PIAS2: variants seen among roughly 807,000 people sequenced by gnomAD.
PIAS2 encodes E3 SUMO-protein ligase PIAS2.
In PIAS2, 19 loss-of-function variants were observed where a neutral mutation model predicts 69.7. The ratio of observed to expected loss-of-function variants is 0.27; its 90% CI spans 0.19 to 0.40. The LOEUF (loss-of-function observed/expected upper bound fraction) is 0.40. PIAS2 is among the 10% of genes least tolerant of loss of function. PIAS2 has a pLI of 1.00. For synonymous variants in PIAS2, 261 were observed against 263.2 expected (o/e 0.99, Z 0.08); for missense variants, 624 against 757.0 (o/e 0.82, Z 2.06).
At chr18:46,911,613 T>C (rs2057276525) in intron 1 of PIAS2, among the ~76,000 whole-genome samples, 1 of 152,250 alleles carries the variant, frequency 6.6e-6, no homozygotes, top group South Asian at 2.1e-4. Flanking sequence ...CTAATACTCA[T>C]GTCAACATAC....
At chr18:46,846,275 A>G (rs1269840623) in intron 6 of PIAS2, among the ~76,000 whole-genome samples, 1 of 152,182 alleles carries the variant, frequency 6.6e-6, no homozygotes, top group Non-Finnish European at 1.5e-5. Context: ...GTTATCTGAA[A>G]TATCAGTTGT....
intron 6 of PIAS2, 84 bp downstream of exon 6, chr18:46,846,623 T>C: frequency 7.6e-7 from 1 of 1,319,374 alleles, no homozygotes; most frequent in South Asian, 1.9e-5. Flanking sequence ...CAGAAAGAGC[T>C]GAAGCCAACA....
At chr18:46,842,714 T>C (rs1053531093) in intron 8 of PIAS2, among the ~76,000 whole-genome samples, 1 of 152,184 alleles carries the variant, frequency 6.6e-6, no homozygotes, top group African/African-American at 2.4e-5. Context: ...AAAGAACTCA[T>C]GCCTGAAGGT....
At chr18:46,817,856 C>T in intron 12 of PIAS2, 1 of 964,992 alleles carries the variant, frequency 1.0e-6, no homozygotes, top group Non-Finnish European at 1.2e-6. Flanking sequence ...ACATTTTAAG[C>T]AGAATATTAA....
rs893317752 is a variant in PIAS2 at position 46,812,533 on chromosome 18, T to C, written c.1766A>G (p.His589Arg). The change falls in exon 14 of 14, where the codon CAT becomes CGT. Residue 589 changes from histidine to arginine, a missense_variant. Around this residue, in one of 3 missense-constraint regions of PIAS2, gnomAD observed 241 missense variants for 257.3 expected, o/e 0.94. Transcript: ENST00000585916. ...SSTSVTTTSS[H>R]ESSTHVSSSS... ...TGAACTAACATGAGTACTGCTTTCATGGGAGCTGGTGGTGGTGACAGACGT... is the reference window on the plus strand; with the variant it reads ...TGAACTAACATGAGTACTGCTTTCACGGGAGCTGGTGGTGGTGACAGACGT... The C allele has an allele frequency of 2.5e-6, 4 of 1,613,054 alleles. No individual in the cohort carries two copies. The highest frequency in any genetic ancestry group is 3.3e-5 in the Admixed American group (2 of 59,980).
chr18:46,886,816 C>T (rs79199725), intron 2 of PIAS2, among the ~76,000 whole-genome samples: 3,945 of 151,628 alleles, frequency 0.026, 74 homozygotes, highest in Admixed American at 0.056. Context: ...CCATCCTGGG[C>T]GACAGAACAA....
intron 5 of PIAS2, among the ~76,000 whole-genome samples, chr18:46,847,177 G>A (rs931695448): frequency 6.6e-5 from 10 of 151,950 alleles, no homozygotes; most frequent in African/African-American, 2.4e-4. Context: ...TTTTTATAAC[G>A]ATTCATCCTT....
intron 5 of PIAS2, among the ~76,000 whole-genome samples, chr18:46,852,349 G>A (rs2047090017): frequency 6.6e-6 from 1 of 152,132 alleles, no homozygotes; most frequent in South Asian, 2.1e-4. Flanking sequence ...GGCCCTATAA[G>A]GGTCAGGCAA....
At chr18:46,818,138 G>T (rs896311569) in intron 12 of PIAS2, 1 of 1,090,490 alleles carries the variant, frequency 9.2e-7, no homozygotes, top group Non-Finnish European at 1.1e-6. Flanking sequence ...TGACTCATTA[G>T]ATTTTTTCTC....
At chr18:46,816,582 C>T (rs1281930846) in intron 12 of PIAS2, 6 of 365,870 alleles carry the variant, frequency 1.6e-5, no homozygotes, top group Non-Finnish European at 2.3e-5. Context: ...GCCTCAGCTT[C>T]GCAAGAAGCA....
At chr18:46,907,146 G>A (rs919582504) in intron 1 of PIAS2, among the ~76,000 whole-genome samples, 14 of 152,190 alleles carry the variant, frequency 9.2e-5, no homozygotes, top group Admixed American at 7.2e-4. Context: ...ATAGACTCAG[G>A]GGAAACAAGA....
intron 9 of PIAS2, among the ~76,000 whole-genome samples, chr18:46,830,228 A>G (rs1423679036): frequency 6.6e-6 from 1 of 152,190 alleles, no homozygotes; most frequent in Non-Finnish European, 1.5e-5. Context: ...TATATAGTAA[A>G]ATAATTTATA....
At chr18:46,867,538 TGG>T (rs35672104) in intron 2 of PIAS2, among the ~76,000 whole-genome samples, 1 of 152,218 alleles carries the variant, frequency 6.6e-6, no homozygotes, top group Non-Finnish European at 1.5e-5. Flanking sequence ...GTCTACAATT[TGG>T]GAATCAGAAA....
chr18:46,832,456 A>G (rs891636818), intron 9 of PIAS2, among the ~76,000 whole-genome samples: 40 of 152,138 alleles, frequency 2.6e-4, no homozygotes, highest in African/African-American at 9.6e-4. Flanking sequence ...AAAGTGGGCA[A>G]AAGTTTGGTC....
At chr18:46,913,976 T>C (rs2146331653) in intron 1 of PIAS2, among the ~76,000 whole-genome samples, 1 of 152,330 alleles carries the variant, frequency 6.6e-6, no homozygotes, top group Admixed American at 6.5e-5. Context: ...AGACCATTTT[T>C]GGAGGAGGAA....
At chr18:46,876,102 T>C (rs1313061778) in intron 2 of PIAS2, among the ~76,000 whole-genome samples, 4 of 152,192 alleles carry the variant, frequency 2.6e-5, no homozygotes, top group Non-Finnish European at 5.9e-5. Context: ...CGCAAGTGGA[T>C]GTATGGTGGT....
At chr18:46,829,617 T>C in intron 10 of PIAS2, 117 bp downstream of exon 10, 1 of 844,456 alleles carries the variant, frequency 1.2e-6, no homozygotes, top group Non-Finnish European at 1.9e-6. Flanking sequence ...AAACTATATA[T>C]CATCAAAAGA....
At chr18:46,910,282 G>A (rs563511951) in intron 1 of PIAS2, among the ~76,000 whole-genome samples, 13 of 152,156 alleles carry the variant, frequency 8.5e-5, no homozygotes, top group Non-Finnish European at 1.6e-4. Context: ...GGTGGACATG[G>A]TTGCAGTGGA....
intron 1 of PIAS2, among the ~76,000 whole-genome samples, chr18:46,892,446 A>C (rs1464362394): frequency 6.6e-6 from 1 of 152,074 alleles, no homozygotes; most frequent in African/African-American, 2.4e-5. Context: ...TTAATAGAAG[A>C]CACACATTAA....
Sources: gnomAD v4.1 joint callset for allele counts (sites outside exome capture counted in the v4.1 genomes callset) on GRCh38, gnomAD v4.1.1 for gene constraint, gnomAD v4.1.1 regional missense constraint, MANE v1.5 for transcripts, NCBI Gene and HGNC (gene_info 2026-07-23, HGNC 2026-07-21) for gene names.